Variants in DNAH7 observed in about 807,000 individuals in gnomAD.
DNAH7 encodes dynein axonemal heavy chain 7, also known as axonemal beta dynein heavy chain 7.
In DNAH7, 397 loss-of-function variants were observed where a neutral mutation model predicts 444.6. That is an observed-to-expected ratio of 0.89 (90% CI 0.82 to 0.97). The LOEUF is 0.97. Ranked by LOEUF, DNAH7 falls within the 50% of genes least tolerant of loss-of-function variation. The pLI, the probability that DNAH7 is intolerant of heterozygous loss-of-function variation, is 0.00. For synonymous variants in DNAH7, 1,636 were observed against 1,624.4 expected, an observed-to-expected ratio of 1.01 and a Z score of -0.17; for missense variants, 4,902 against 4,800.8, an observed-to-expected ratio of 1.02 and a Z score of -0.62.
intron 15 of DNAH7, among the ~76,000 whole-genome samples, chr2:195,976,725 C>CAG (rs956303887): frequency 1.8e-5 from 2 of 110,142 alleles, no homozygotes; most frequent in East Asian, 2.7e-4. Flanking sequence ...GCTTAGCAGA[C>CAG]AGAGAGAGAC....
chr2:195,777,922 C>T lies in DNAH7; in HGVS notation c.10942G>A (p.Asp3648Asn), dbSNP rs199928786. 3.2e-5 allele frequency: 52 copies of T among 1,614,020 alleles called. No individual in the cohort carries two copies. Among genetic ancestry groups the T allele is most frequent in the Non-Finnish European group, 4.0e-5 (47 of 1,179,996 alleles). Residue 3648 changes from aspartate to asparagine, a missense_variant, in exon 59 of 65, where the codon GAT becomes AAT. By Grantham distance (23) the Asp-to-Asn change is conservative (BLOSUM62 1). Transcript: ENST00000312428. ...CGCAGCGTGCGCCGGTCCCAGTCAT[C>T]GGTCACTCTGCCTCCGTAATTGCAT... ...GECNYGGRVTDDWDRRTLRSI... is the reference protein window; with the variant it reads ...GECNYGGRVTNDWDRRTLRSI...
At chr2:196,030,176 C>T (rs907619866) in intron 5 of DNAH7, among the ~76,000 whole-genome samples, 16 of 152,086 alleles carry the variant, frequency 1.1e-4, no homozygotes, top group Admixed American at 6.5e-4. Context: ...TGGCAGAAGG[C>T]GAAAGCCACT....
chr2:195,745,612 C>T (rs148614265), intron 63 of DNAH7, among the ~76,000 whole-genome samples: 2,551 of 152,288 alleles, frequency 0.017, 68 homozygotes, highest in African/African-American at 0.058. Flanking sequence ...AGACAAAGGT[C>T]GGGTTACCCA....
chr2:196,001,821 T>C lies in DNAH7; in HGVS notation c.1027A>G (p.Asn343Asp). ...PEVQNIYYQG[N>D]KKKQLPTGDS... Reference sequence around the variant, plus strand: ...CCAGTTGGCAATTGCTTTTTTTTATTACCTTGGTAATAAATATTCTGCACT... The same window carrying C: ...CCAGTTGGCAATTGCTTTTTTTTATCACCTTGGTAATAAATATTCTGCACT... The change falls in exon 11 of 65, where the codon AAT becomes GAT. Residue 343 changes from asparagine to aspartate, a missense_variant. By Grantham distance (23) the Asn-to-Asp change is conservative. Coordinates refer to ENST00000312428, the MANE Select transcript of DNAH7 (RefSeq NM_018897.3). The C allele has an allele frequency of 6.2e-7, 1 of 1,611,768 alleles. No homozygotes were observed. Among genetic ancestry groups the C allele is most frequent in the South Asian group, 1.1e-5 (1 of 90,398 alleles).
intron 30 of DNAH7, chr2:195,893,352 A>T (rs1702127912): frequency 6.6e-6 from 1 of 152,414 alleles, no homozygotes; most frequent in Non-Finnish European, 1.5e-5. Context: ...CTCCTGCCTC[A>T]GCCTCCCTAG....
chr2:195,902,679 C>T (rs1401984036), intron 27 of DNAH7: 1 of 152,138 alleles, frequency 6.6e-6, no homozygotes, highest in African/African-American at 2.4e-5. Context: ...AATGATGAAG[C>T]AGACATATTT....
intron 46 of DNAH7, among the ~76,000 whole-genome samples, chr2:195,849,768 A>C (rs1395083498): frequency 6.6e-6 from 1 of 151,834 alleles, no homozygotes; most frequent in Non-Finnish European, 1.5e-5. Flanking sequence ...TGCCCGGATA[A>C]TTTTTTGTAT....
chr2:196,052,518 A>G (rs1272085020), intron 2 of DNAH7, among the ~76,000 whole-genome samples: 2 of 152,262 alleles, frequency 1.3e-5, no homozygotes, highest in African/African-American at 4.8e-5. Flanking sequence ...TGATTACCAT[A>G]TGTGTTCCAC....
intron 24 of DNAH7, among the ~76,000 whole-genome samples, chr2:195,917,359 A>C (rs1227446976): frequency 6.6e-6 from 1 of 152,176 alleles, no homozygotes; most frequent in Admixed American, 6.5e-5. Flanking sequence ...GTACAACTCC[A>C]GTAAACACAC....
chr2:195,900,139 C>A (rs1056293434), intron 28 of DNAH7, 143 bp downstream of exon 28: 6 of 838,852 alleles, frequency 7.2e-6, no homozygotes, highest in African/African-American at 3.5e-5. Flanking sequence ...TTCATGTGTA[C>A]AAGATAATAC....
At chr2:195,861,367 G>A (rs1489109745) in intron 42 of DNAH7, among the ~76,000 whole-genome samples, 1 of 152,100 alleles carries the variant, frequency 6.6e-6, no homozygotes, top group South Asian at 2.1e-4. Flanking sequence ...CCTCCCTAGA[G>A]TCTCAGCTGT....
At chr2:195,982,530 C>T (rs1398148086) in intron 15 of DNAH7, among the ~76,000 whole-genome samples, 1 of 152,200 alleles carries the variant, frequency 6.6e-6, no homozygotes, top group East Asian at 1.9e-4. Context: ...ATCTGCACTC[C>T]TATGTTTGTT....
chr2:195,954,413 T>A lies in DNAH7; in HGVS notation c.3078+2848A>T, dbSNP rs541183420. Among the ~76,000 whole-genome samples, 50 of 152,352 alleles carry A rather than the reference T, an allele frequency of 3.3e-4. 1 individual carries two copies. Among genetic ancestry groups the A allele is most frequent in the Middle Eastern group, 6.8e-3 (2 of 294 alleles). On this transcript the variant is annotated intron_variant, in intron 19 of 64. Coordinates refer to ENST00000312428, the MANE Select transcript of DNAH7 (RefSeq NM_018897.3). ...TTGTGTATATGTGCCACATTTTCTT[T>A]ACCCAGTCTATCACTGATGGACACT...
Position 195,936,605 on chromosome 2 carries a change from G to A in DNAH7, c.3266C>T (p.Pro1089Leu). ...CTACATGTAAATTACTTACCTAGTG[G>A]GATCTTTAGTCTCAGATAGTATCTC... ...LLEILSETKD[P>L]TRVQPHLKKC... The change falls in exon 20 of 65, where the codon CCC becomes CTC. Residue 1089 changes from proline (P) to leucine (L), a missense_variant. Pro to Leu is a moderately conservative substitution (Grantham distance 98). Coordinates refer to ENST00000312428, the MANE Select transcript of DNAH7 (RefSeq NM_018897.3). 6.3e-7 allele frequency: 1 copy of A among 1,578,984 alleles called. No individual in the cohort carries two copies. The highest frequency in any genetic ancestry group is 1.2e-5 in the South Asian group (1 of 81,828).
intron 10 of DNAH7, among the ~76,000 whole-genome samples, chr2:196,010,516 G>T (rs1325461907): frequency 6.6e-6 from 1 of 152,020 alleles, no homozygotes. Context: ...CACTACAGAG[G>T]TTCCTCAAAA....
chr2:196,057,585 C>T (rs894003782), intron 2 of DNAH7, among the ~76,000 whole-genome samples: 1 of 152,160 alleles, frequency 6.6e-6, no homozygotes, highest in Non-Finnish European at 1.5e-5. Context: ...TGTCCAAGAT[C>T]ATACACTTAA....
intron 17 of DNAH7, among the ~76,000 whole-genome samples, chr2:195,964,720 A>AT (rs1452177298): frequency 6.6e-6 from 1 of 150,600 alleles, no homozygotes; most frequent in Non-Finnish European, 1.5e-5. Context: ...CAAAAAAAAA[A>AT]AAAAAATTAG....
chr2:196,026,871 C>G lies in DNAH7; in HGVS notation c.556G>C (p.Glu186Gln), dbSNP rs747310421. Residue 186 changes from glutamate (E) to glutamine (Q), a missense_variant, in exon 7 of 65, where the codon GAA (glutamate) becomes CAA (glutamine). Physicochemically the swap from Glu to Gln is conservative, Grantham distance 29. Transcript: ENST00000312428. Reference protein sequence around the residue: ...HVAPMEDSWLEHVLDLVPQHL... With the variant: ...HVAPMEDSWLQHVLDLVPQHL... The stretch of plus-strand genomic sequence containing the variant: ...TGTGGAACTAAATCCAGTACGTGTT[C>G]TAGCCAAGAATCTTCCATTGGGGCT... 1.1e-5 allele frequency: 18 copies of G among 1,612,476 alleles called. 1 individual carries two copies. The Admixed American group carries it at 2.8e-4, about 25-fold the overall frequency.
chr2:195,749,381 G>T (rs1042362363), intron 63 of DNAH7, among the ~76,000 whole-genome samples: 21 of 151,290 alleles, frequency 1.4e-4, no homozygotes, highest in African/African-American at 4.8e-4. Context: ...TACACTGTTG[G>T]TGGGACTGTA....
Sources: gnomAD v4.1 joint callset for allele counts (sites outside exome capture counted in the v4.1 genomes callset) on GRCh38, gnomAD v4.1.1 for gene constraint, MANE v1.5 for transcripts, NCBI Gene and HGNC (gene_info 2026-07-23, HGNC 2026-07-21) for gene names.